The following SGCD variants were observed in gnomAD, a reference collection of about 807,000 sequenced individuals.
SGCD encodes the protein delta-sarcoglycan.
In SGCD, 18 loss-of-function variants were observed where a neutral mutation model predicts 36.6. The ratio of observed to expected loss-of-function variants is 0.49; its 90% CI spans 0.34 to 0.73. SGCD has a LOEUF of 0.73. SGCD is among the 30% of genes least tolerant of loss of function. The pLI, the probability that SGCD is intolerant of heterozygous loss-of-function variation, is 0.01. For synonymous variants in SGCD, 133 were observed against 130.6 expected (o/e 1.02, Z -0.12); for missense variants, 387 against 346.7 (o/e 1.12, Z -0.92).
Position 156,760,192 on chromosome 5 carries a change from C to G in SGCD, c.*802C>G, listed in dbSNP as rs1344613127. ...CAGTGAGCTGGAAGCTACTTAATGG[C>G]CTGATGGGCAATGAACAAACGGGTG... On this transcript the variant is annotated 3_prime_UTR_variant, in exon 9 of 9. Coordinates refer to ENST00000337851, the MANE Select transcript of SGCD (RefSeq NM_000337.6). 4 of 152,276 alleles carry G rather than the reference C, an allele frequency of 2.6e-5. No individual in the cohort carries two copies. The Middle Eastern group carries it at 0.01, about 388-fold the overall frequency. 9.4% of individuals were successfully genotyped at this position (152,276 alleles called of 1,614,324 possible).
intron 3 of SGCD, among the ~76,000 whole-genome samples, chr5:156,135,556 G>C (rs1195601322): frequency 1.3e-5 from 2 of 152,166 alleles, no homozygotes; most frequent in Non-Finnish European, 2.9e-5. Context: ...TTCTGGATTA[G>C]AAGATTTTCT....
At chr5:156,154,094 A>G (rs1186579137) in intron 3 of SGCD, among the ~76,000 whole-genome samples, 1 of 151,568 alleles carries the variant, frequency 6.6e-6, no homozygotes. Context: ...GGCTCCTTGA[A>G]GCACTGATTA....
intron 3 of SGCD, among the ~76,000 whole-genome samples, chr5:156,129,665 A>T (rs1762263412): frequency 1.3e-5 from 2 of 152,060 alleles, no homozygotes; most frequent in African/African-American, 4.8e-5. Flanking sequence ...AGTACACACC[A>T]GTGTCTGTTG....
At position 156,760,735 on chromosome 5, in the gene SGCD, C is replaced by T. The variant is rs996222609; in HGVS notation, c.*1345C>T. 1 of 152,710 alleles carries T rather than the reference C, an allele frequency of 6.5e-6. No homozygotes were observed. Among genetic ancestry groups the T allele is most frequent in the Non-Finnish European group, 1.5e-5 (1 of 68,072 alleles). 9.5% of individuals were successfully genotyped at this position (152,710 alleles called of 1,614,324 possible). ...CATGCTCCAGGGTCACCCTGGCCAGCTCTTGTGCTGGGACAGGGGATTACA... is the reference window on the plus strand; with the variant it reads ...CATGCTCCAGGGTCACCCTGGCCAGTTCTTGTGCTGGGACAGGGGATTACA... On this transcript the variant is annotated 3_prime_UTR_variant, in exon 9 of 9. Coordinates refer to ENST00000337851, the MANE Select transcript of SGCD (RefSeq NM_000337.6).
intron 1 of SGCD, among the ~76,000 whole-genome samples, chr5:155,914,929 A>G (rs1401383953): frequency 6.6e-6 from 1 of 152,162 alleles, no homozygotes; most frequent in Non-Finnish European, 1.5e-5. Flanking sequence ...TCAACCCTGG[A>G]TATGTATTAT....
chr5:156,215,363 C>A (rs1764544242), intron 3 of SGCD, among the ~76,000 whole-genome samples: 1 of 151,920 alleles, frequency 6.6e-6, no homozygotes, highest in Non-Finnish European at 1.5e-5. Flanking sequence ...AGCTCATGCA[C>A]AGTAAAGGGA....
intron 7 of SGCD, among the ~76,000 whole-genome samples, chr5:156,744,809 TGC>T (rs1164391390): frequency 6.6e-6 from 1 of 152,190 alleles, no homozygotes; most frequent in African/African-American, 2.4e-5. Context: ...AAAAAGAAGC[TGC>T]CAACTTTTAA....
At chr5:156,681,328 T>A (rs1443020025) in intron 7 of SGCD, among the ~76,000 whole-genome samples, 1 of 152,152 alleles carries the variant, frequency 6.6e-6, no homozygotes, top group East Asian at 1.9e-4. Flanking sequence ...TGAAGCCACA[T>A]TGTCTGAAGT....
intron 3 of SGCD, among the ~76,000 whole-genome samples, chr5:156,188,809 T>C (rs1763825137): frequency 6.6e-6 from 1 of 151,870 alleles, no homozygotes; most frequent in Admixed American, 6.6e-5. Context: ...CGTAACCACA[T>C]CTGAACAGAC....
At position 156,764,496 on chromosome 5, in the gene SGCD, G is replaced by C. The variant is rs757475355; in HGVS notation, c.*5106G>C. 1 of 152,602 alleles carries C rather than the reference G, an allele frequency of 6.6e-6. No individual in the cohort carries two copies. Among genetic ancestry groups the C allele is most frequent in the Non-Finnish European group, 1.5e-5 (1 of 68,028 alleles). 9.5% of individuals were successfully genotyped at this position (152,602 alleles called of 1,614,324 possible). On this transcript the variant is annotated 3_prime_UTR_variant, in exon 9 of 9. Coordinates refer to ENST00000337851, the MANE Select transcript of SGCD (RefSeq NM_000337.6). ...TGGTTCTTAAAAGCTTTCTTCATAA[G>C]GGAGTCCCTGAAATTTCTCAAGGCA...
upstream of SGCD, among the ~76,000 whole-genome samples, chr5:155,867,512 C>T (rs145059473): frequency 6.6e-6 from 1 of 152,296 alleles, no homozygotes; most frequent in African/African-American, 2.4e-5. Context: ...AAACAATTCA[C>T]ATGTGGCATT....
intron 4 of SGCD, among the ~76,000 whole-genome samples, chr5:156,578,157 A>G (rs920458950): frequency 2.6e-5 from 4 of 152,222 alleles, no homozygotes; most frequent in Non-Finnish European, 4.4e-5. Flanking sequence ...CTTTTCCTGC[A>G]TCTATTGAGA....
the SGCD span, among the ~76,000 whole-genome samples, chr5:155,756,638 GT>G: frequency 6.6e-6 from 1 of 152,144 alleles, no homozygotes; most frequent in African/African-American, 2.4e-5. Context: ...ATAAGCTGTT[GT>G]TTTTATCATT....
chr5:156,379,353 A>T (rs187223992), intron 3 of SGCD, among the ~76,000 whole-genome samples: 5 of 152,308 alleles, frequency 3.3e-5, no homozygotes, highest in Admixed American at 6.5e-5. Context: ...TGCAATAAGT[A>T]GAGGAGTTAT....
chr5:156,158,962 C>G (rs1418403457), intron 3 of SGCD, among the ~76,000 whole-genome samples: 1 of 151,242 alleles, frequency 6.6e-6, no homozygotes, highest in African/African-American at 2.5e-5. Flanking sequence ...TACACTTTTT[C>G]TCTTTAACCA....
intron 3 of SGCD, among the ~76,000 whole-genome samples, chr5:156,134,663 A>G (rs1311641718): frequency 8.3e-6 from 1 of 120,362 alleles, no homozygotes; most frequent in Non-Finnish European, 1.7e-5. Flanking sequence ...ACTTGGACAC[A>G]GGGTGGGGAA....
the SGCD span, among the ~76,000 whole-genome samples, chr5:155,769,578 C>T: frequency 6.6e-6 from 1 of 152,116 alleles, no homozygotes; most frequent in African/African-American, 2.4e-5. Context: ...TGTCTTCCTA[C>T]TCTAACTCAA....
intron 4 of SGCD, among the ~76,000 whole-genome samples, chr5:156,522,766 C>T (rs1025673685): frequency 5.3e-5 from 8 of 151,612 alleles, no homozygotes; most frequent in African/African-American, 1.9e-4. Flanking sequence ...CCATCCCCAC[C>T]CCCCGACACA....
At chr5:156,726,645 T>C (rs1239407838) in intron 7 of SGCD, among the ~76,000 whole-genome samples, 1 of 152,246 alleles carries the variant, frequency 6.6e-6, no homozygotes, top group Admixed American at 6.5e-5. Context: ...GAAGTCTTTT[T>C]TCCATCTCCT....
Sources: allele counts gnomAD v4.1 joint callset (sites outside exome capture counted in the v4.1 genomes callset), GRCh38; gene constraint gnomAD v4.1.1; transcripts MANE v1.5; gene names NCBI Gene and HGNC (gene_info 2026-07-23, HGNC 2026-07-21).